The following ROBO2 variants were observed in gnomAD, a reference collection of about 807,000 sequenced individuals.
ROBO2 encodes roundabout homolog 2.
A neutral mutation model predicts 160.8 loss-of-function variants in ROBO2; 53 were observed. The ratio of observed to expected loss-of-function variants is 0.33; its 90% CI spans 0.26 to 0.41. The LOEUF (loss-of-function observed/expected upper bound fraction) is 0.41, where lower values mean the gene tolerates loss of function less well. Ranked by LOEUF, ROBO2 falls within the 10% of genes least tolerant of loss-of-function variation. The probability of loss-of-function intolerance (pLI) is 1.00; values close to 1 mark genes in which losing one functional copy is unlikely to be tolerated. For synonymous variants in ROBO2, 664 were observed against 611.7 expected, an observed-to-expected ratio of 1.09 and a Z score of -1.26; for missense variants, 1,577 against 1,722.4, an observed-to-expected ratio of 0.92 and a Z score of 1.49.
chr3:77,562,807 G>T (rs1274143178), intron 10 of ROBO2, 75 bp downstream of exon 11: 2 of 1,058,264 alleles, frequency 1.9e-6, no homozygotes, highest in African/African-American at 1.6e-5. Context: ...AAGTTAAGGG[G>T]GGATCAAAGT....
chr3:77,231,764 A>ATTTGT (rs1298150431), intron 2 of ROBO2, among the ~76,000 whole-genome samples: 2 of 151,986 alleles, frequency 1.3e-5, no homozygotes, highest in African/African-American at 4.8e-5. Flanking sequence ...TGATACCTCT[A>ATTTGT]TTTGTTTTCT....
At chr3:77,260,687 A>G (rs918867440) in intron 2 of ROBO2, among the ~76,000 whole-genome samples, 2 of 152,238 alleles carry the variant, frequency 1.3e-5, no homozygotes, top group African/African-American at 4.8e-5. Flanking sequence ...CACAAGCGGT[A>G]GATCCAGAGT....
intron 1 of ROBO2, among the ~76,000 whole-genome samples, chr3:77,075,672 CT>C (rs1174587812): frequency 6.1e-3 from 529 of 87,220 alleles, no homozygotes; most frequent in Middle Eastern, 9.6e-3. Context: ...TTTCTTTCTC[CT>C]TTTTTTTTTT....
intron 2 of ROBO2, chr3:76,311,210 G>A (rs2071566263): frequency 6.6e-6 from 1 of 152,286 alleles, no homozygotes; most frequent in South Asian, 2.1e-4. Flanking sequence ...CCTACCTCAG[G>A]TTTTTCAATG....
intron 2 of ROBO2, among the ~76,000 whole-genome samples, chr3:76,665,865 G>A (rs2091999377): frequency 7.2e-6 from 1 of 138,340 alleles, no homozygotes; most frequent in Non-Finnish European, 1.5e-5. Flanking sequence ...GTACGTGTAT[G>A]TATATACGTA....
At chr3:77,209,290 A>C (rs539605639) in intron 2 of ROBO2, among the ~76,000 whole-genome samples, 2 of 152,172 alleles carry the variant, frequency 1.3e-5, no homozygotes, top group African/African-American at 4.8e-5. Flanking sequence ...ATCAAAAAAC[A>C]TCTCTGTTGC....
At chr3:76,878,013 C>A (rs945053236) in intron 2 of ROBO2, among the ~76,000 whole-genome samples, 2 of 152,258 alleles carry the variant, frequency 1.3e-5, no homozygotes, top group African/African-American at 4.8e-5. Flanking sequence ...ACCCATATGA[C>A]CATTCAACCT....
chr3:75,970,391 G>T (rs184573306), intron 2 of ROBO2, among the ~76,000 whole-genome samples: 1 of 151,632 alleles, frequency 6.6e-6, no homozygotes, highest in African/African-American at 2.4e-5. Flanking sequence ...TGATTTTTAA[G>T]TTGTGTGAGA....
chr3:76,229,823 T>C (rs1041027020), intron 2 of ROBO2, among the ~76,000 whole-genome samples: 2 of 152,292 alleles, frequency 1.3e-5, no homozygotes, highest in Admixed American at 6.5e-5. Context: ...ACTAGAAACA[T>C]CAACCAAAGG....
In ROBO2 at chr3:77,477,406, T is replaced by G. The variant is rs1376966678; in HGVS notation, c.389-8T>G. ...GAGTTTTCTTTTCCTGTAATTATTT[T>G]TCCTCAGTGTTACGAGATGACTTCC... On this transcript the variant is annotated splice_region_variant and splice_polypyrimidine_tract_variant and intron_variant, in intron 2 of 25. Transcript: ENST00000461745. 6.2e-7 allele frequency: 1 copy of G among 1,613,376 alleles called. No individual in the cohort carries two copies. Among genetic ancestry groups the G allele is most frequent in the Admixed American group, 1.7e-5 (1 of 60,010 alleles).
intron 2 of ROBO2, among the ~76,000 whole-genome samples, chr3:76,440,879 A>C (rs13063821): frequency 0.32 from 47,265 of 146,270 alleles, 9,090 homozygotes; most frequent in Non-Finnish European, 0.41. Context: ...TGTAAAACAC[A>C]AACTTCATGT....
intron 2 of ROBO2, among the ~76,000 whole-genome samples, chr3:76,736,151 T>TG (rs1383709250): frequency 6.6e-6 from 1 of 151,282 alleles, no homozygotes; most frequent in Non-Finnish European, 1.5e-5. Context: ...GGCGTGGTGG[T>TG]GGCGCCTGCA....
chr3:77,558,202 C>A, intron 9 of ROBO2, 53 bp downstream of exon 10: 1 of 1,469,684 alleles, frequency 6.8e-7, no homozygotes, highest in Non-Finnish European at 9.5e-7. Context: ...AAGTACTGCT[C>A]TATGGAAAAA....
intron 2 of ROBO2, among the ~76,000 whole-genome samples, chr3:76,086,373 G>A: frequency 6.6e-6 from 1 of 151,948 alleles, no homozygotes; most frequent in East Asian, 1.9e-4. Context: ...TGACACATGG[G>A]GACTATGGGA....
At chr3:77,380,167 G>A (rs1400519324) in intron 2 of ROBO2, among the ~76,000 whole-genome samples, 1 of 152,232 alleles carries the variant, frequency 6.6e-6, no homozygotes, top group Non-Finnish European at 1.5e-5. Flanking sequence ...TGAGCCACCT[G>A]AAGTGGAATT....
At chr3:76,657,199 G>T (rs896161142) in intron 2 of ROBO2, among the ~76,000 whole-genome samples, 2 of 151,936 alleles carry the variant, frequency 1.3e-5, no homozygotes, top group Non-Finnish European at 2.9e-5. Context: ...GCCGAGGCAG[G>T]CAGATCACGA....
At chr3:76,836,418 G>C (rs2067692411) in intron 2 of ROBO2, among the ~76,000 whole-genome samples, 1 of 148,550 alleles carries the variant, frequency 6.7e-6, no homozygotes. Context: ...TACTTTTACA[G>C]TATGTGTTAA....
chr3:76,572,086 A>G (rs941703842), intron 2 of ROBO2, among the ~76,000 whole-genome samples: 1 of 152,180 alleles, frequency 6.6e-6, no homozygotes, highest in African/African-American at 2.4e-5. Context: ...AATGCTTTCT[A>G]TAAATAATAT....
At chr3:77,560,355 G>T (rs1481079982) in intron 9 of ROBO2, among the ~76,000 whole-genome samples, 1 of 152,084 alleles carries the variant, frequency 6.6e-6, no homozygotes, top group Non-Finnish European at 1.5e-5. Flanking sequence ...ACCAGAAAAA[G>T]ACATTATTTA....
Sources: allele counts gnomAD v4.1 joint callset (sites outside exome capture counted in the v4.1 genomes callset), GRCh38; gene constraint gnomAD v4.1.1; transcripts MANE v1.5; gene names NCBI Gene and HGNC (gene_info 2026-07-23, HGNC 2026-07-21).